PRKN: variants seen among roughly 807,000 people sequenced by gnomAD.
PRKN encodes E3 ubiquitin-protein ligase parkin.
In PRKN, 56 loss-of-function variants were observed where a neutral mutation model predicts 59.5. The ratio of observed to expected loss-of-function variants is 0.94; its 90% CI spans 0.76 to 1.18. PRKN has a LOEUF of 1.18. Among genes scored for constraint, PRKN ranks in the 50% most tolerant of loss-of-function variants. PRKN has a pLI of 0.00. For missense variants in PRKN, 657 were observed against 596.4 expected, an observed-to-expected ratio of 1.10 and a Z score of -1.06; for synonymous variants, 250 against 222.1, an observed-to-expected ratio of 1.13 and a Z score of -1.12.
intron 3 of PRKN, among the ~76,000 whole-genome samples, chr6:162,244,517 C>T (rs1779120199): frequency 6.6e-6 from 1 of 152,022 alleles, no homozygotes; most frequent in South Asian, 2.1e-4. Context: ...TTGAGTAGCT[C>T]CAAACACTGT....
chr6:161,489,447 C>G (rs568460103), intron 9 of PRKN, among the ~76,000 whole-genome samples: 2 of 152,088 alleles, frequency 1.3e-5, no homozygotes, highest in Non-Finnish European at 2.9e-5. Context: ...GCAGTCCCAG[C>G]TACTCAGGAG....
intron 1 of PRKN, among the ~76,000 whole-genome samples, chr6:162,447,191 A>G (rs986657805): frequency 2.0e-5 from 3 of 152,156 alleles, no homozygotes; most frequent in African/African-American, 7.2e-5. Context: ...AGGCACCTAG[A>G]GGAGGTAGAG....
chr6:162,177,423 T>C (rs1221326474), intron 4 of PRKN, among the ~76,000 whole-genome samples: 3 of 152,178 alleles, frequency 2.0e-5, no homozygotes, highest in Non-Finnish European at 4.4e-5. Context: ...TTTTTTATAT[T>C]GGTTAAGTGT....
chr6:161,464,039 A>G (rs749513469), intron 9 of PRKN, among the ~76,000 whole-genome samples: 1 of 151,530 alleles, frequency 6.6e-6, no homozygotes, highest in African/African-American at 2.4e-5. Context: ...CTTGGCTCAG[A>G]GTTTTGCTCT....
chr6:162,109,179 A>G (rs969607585), intron 4 of PRKN, among the ~76,000 whole-genome samples: 7 of 152,186 alleles, frequency 4.6e-5, no homozygotes, highest in Non-Finnish European at 5.9e-5. Context: ...GGTGTGTCAT[A>G]TGGAAAGCTG....
At chr6:161,800,492 T>C (rs1163947516) in intron 6 of PRKN, among the ~76,000 whole-genome samples, 2 of 152,180 alleles carry the variant, frequency 1.3e-5, no homozygotes, top group African/African-American at 2.4e-5. Flanking sequence ...GGTAACAAAA[T>C]ACTATATTAA....
At chr6:162,711,893 A>G (rs1778553020) in intron 1 of PRKN, among the ~76,000 whole-genome samples, 1 of 152,206 alleles carries the variant, frequency 6.6e-6, no homozygotes, top group South Asian at 2.1e-4. Context: ...CTTGTCTTGC[A>G]CCGTCTGAAT....
chr6:161,758,109 C>G (rs956813326), intron 7 of PRKN, among the ~76,000 whole-genome samples: 7 of 151,540 alleles, frequency 4.6e-5, no homozygotes, highest in African/African-American at 1.5e-4. Context: ...AACTAGAACT[C>G]TCGTACATTC....
chr6:162,567,019 G>T (rs905102703), intron 1 of PRKN, among the ~76,000 whole-genome samples: 10 of 152,128 alleles, frequency 6.6e-5, no homozygotes, highest in African/African-American at 1.9e-4. Context: ...ATCATATGAT[G>T]ATTTCAATTG....
chr6:161,787,798 T>C (rs182863573), intron 6 of PRKN, among the ~76,000 whole-genome samples: 1 of 151,548 alleles, frequency 6.6e-6, no homozygotes, highest in East Asian at 2.0e-4. Flanking sequence ...TACAAAAAAT[T>C]AGCCCGGCGT....
chr6:162,537,052 A>G (rs1778748784), intron 1 of PRKN, among the ~76,000 whole-genome samples: 1 of 152,198 alleles, frequency 6.6e-6, no homozygotes, highest in Admixed American at 6.5e-5. Context: ...AAAGATTCTC[A>G]TAAATCTCCC....
chr6:162,122,716 T>TTCTTTCTATCTATCTA (rs1554274005), intron 4 of PRKN, among the ~76,000 whole-genome samples: 3 of 147,804 alleles, frequency 2.0e-5, no homozygotes, highest in African/African-American at 7.6e-5. Flanking sequence ...GCTCAATCTG[T>TTCTTTCTATCTATCTA]TCTATCTATC....
At chr6:162,332,146 T>C (rs1783609131) in intron 2 of PRKN, among the ~76,000 whole-genome samples, 1 of 152,144 alleles carries the variant, frequency 6.6e-6, no homozygotes, top group African/African-American at 2.4e-5. Flanking sequence ...ACATGTTGCA[T>C]TACAAAACGA....
At chr6:162,270,272 C>G (rs1005734535) in intron 2 of PRKN, 1 of 152,104 alleles carries the variant, frequency 6.6e-6, no homozygotes, top group African/African-American at 2.4e-5. Flanking sequence ...GGATGGAAAA[C>G]CAAACATTGT....
At chr6:161,672,820 C>T (rs1325545779) in intron 7 of PRKN, among the ~76,000 whole-genome samples, 1 of 152,100 alleles carries the variant, frequency 6.6e-6, no homozygotes, top group Non-Finnish European at 1.5e-5. Context: ...TGAAATAAGG[C>T]CTTTCCTGTA....
chr6:161,654,185 A>T (rs569304510), intron 7 of PRKN, among the ~76,000 whole-genome samples: 1 of 152,304 alleles, frequency 6.6e-6, no homozygotes, highest in Admixed American at 6.5e-5. Flanking sequence ...AAGTCGAGTC[A>T]ATAAAAATTT....
At chr6:162,169,096 C>T (rs927039405) in intron 4 of PRKN, among the ~76,000 whole-genome samples, 2 of 152,122 alleles carry the variant, frequency 1.3e-5, no homozygotes, top group African/African-American at 2.4e-5. Flanking sequence ...CTCTCCTTCC[C>T]GTAAGATGAG....
At position 161,499,036 on chromosome 6, in the gene PRKN, C is replaced by T. The variant is rs1777857367; in HGVS notation, c.1083+49818G>A. On this transcript the variant is annotated intron_variant, in intron 9 of 11. Transcript: ENST00000366898. This position sits in a 1 kb window ranked among gnomAD's most constrained non-coding sequence, Gnocchi z 4.2. Reference sequence around the variant, plus strand: ...ATTTCTCAGAACTCAGGCTGAAACCCTGTGATCTAGTCCAAACCAACCTTC... The same window carrying T: ...ATTTCTCAGAACTCAGGCTGAAACCTTGTGATCTAGTCCAAACCAACCTTC... Among the ~76,000 whole-genome samples, 1 of 152,080 alleles carries T rather than the reference C, an allele frequency of 6.6e-6. No homozygotes were observed. Among genetic ancestry groups the T allele is most frequent in the African/African-American group, 2.4e-5 (1 of 41,398 alleles).
intron 4 of PRKN, among the ~76,000 whole-genome samples, chr6:162,136,355 C>A (rs1017879282): frequency 6.6e-6 from 1 of 152,070 alleles, no homozygotes; most frequent in Non-Finnish European, 1.5e-5. Flanking sequence ...CTCAGTAATA[C>A]ATATGCAAGT....
Sources: allele counts gnomAD v4.1 joint callset (sites outside exome capture counted in the v4.1 genomes callset), GRCh38; gene constraint gnomAD v4.1.1; non-coding constraint Gnocchi (gnomAD v3.1); transcripts MANE v1.5; gene names NCBI Gene and HGNC (gene_info 2026-07-23, HGNC 2026-07-21).